FRAS1: variants seen among roughly 807,000 people sequenced by gnomAD.
FRAS1 encodes Fraser extracellular matrix complex subunit 1.
FRAS1 carries 290 observed loss-of-function variants against 435.2 expected under a neutral mutation model. That is an observed-to-expected ratio of 0.67 (90% CI 0.61 to 0.73). FRAS1 has a LOEUF of 0.73. FRAS1 is among the 30% of genes least tolerant of loss of function. The probability of loss-of-function intolerance (pLI) is 0.00; values close to 1 mark genes in which losing one functional copy is unlikely to be tolerated. For missense variants in FRAS1, 4,860 were observed against 5,001.5 expected, an observed-to-expected ratio of 0.97 and a Z score of 0.85; for synonymous variants, 1,800 against 1,851.0, an observed-to-expected ratio of 0.97 and a Z score of 0.71.
intron 59 of FRAS1, among the ~76,000 whole-genome samples, chr4:78,491,262 A>C (rs969925246): frequency 2.6e-5 from 4 of 152,204 alleles, no homozygotes; most frequent in Non-Finnish European, 5.9e-5. Context: ...TTCTGAAACT[A>C]TTCCAAACAA....
chr4:78,067,549 C>T (rs1740098244), intron 2 of FRAS1, among the ~76,000 whole-genome samples: 1 of 152,038 alleles, frequency 6.6e-6, no homozygotes, highest in Admixed American at 6.6e-5. Context: ...TCCCAGGGCT[C>T]ATGGCTGCTC....
intron 2 of FRAS1, among the ~76,000 whole-genome samples, chr4:78,081,183 T>C (rs1464136449): frequency 1.3e-5 from 2 of 152,220 alleles, no homozygotes; most frequent in East Asian, 3.9e-4. Flanking sequence ...ACAGGTTCCC[T>C]GAGAGAAAAG....
At chr4:78,276,787 G>T (rs750875457) in intron 9 of FRAS1, among the ~76,000 whole-genome samples, 5 of 152,236 alleles carry the variant, frequency 3.3e-5, no homozygotes, top group Non-Finnish European at 7.3e-5. Context: ...GAGGCAGTCT[G>T]TCCATTCTCA....
intron 6 of FRAS1, among the ~76,000 whole-genome samples, chr4:78,260,023 T>C (rs568778197): frequency 8.2e-4 from 125 of 152,274 alleles, no homozygotes; most frequent in African/African-American, 2.8e-3. Context: ...GTTGTAGATA[T>C]GCGGAGTTAT....
chr4:78,466,522 T>G, intron 50 of FRAS1, 87 bp downstream of exon 50: 1 of 981,808 alleles, frequency 1.0e-6, no homozygotes, highest in East Asian at 2.6e-5. Context: ...TACCATTGTT[T>G]GAGTTCTCGT....
At chr4:78,437,485 T>C (rs983275657) in intron 38 of FRAS1, among the ~76,000 whole-genome samples, 2 of 152,244 alleles carry the variant, frequency 1.3e-5, no homozygotes, top group Non-Finnish European at 2.9e-5. Flanking sequence ...GATTCCTTTC[T>C]TGCTAGTGTC....
chr4:78,483,799 A>ATATATATATATAAATAT (rs1560753038), intron 58 of FRAS1, among the ~76,000 whole-genome samples: 1 of 67,464 alleles, frequency 1.5e-5, no homozygotes, highest in African/African-American at 4.1e-5. Flanking sequence ...TATATATATA[A>ATATATATATATAAATAT]AATTATGTAT....
chr4:78,305,850 T>G (rs1728683752), intron 14 of FRAS1, among the ~76,000 whole-genome samples: 1 of 151,772 alleles, frequency 6.6e-6, no homozygotes, highest in South Asian at 2.1e-4. Context: ...TTGGAGCATT[T>G]AGTCCATTTA....
rs546727385 is a variant in FRAS1 at position 78,366,296 on chromosome 4, A to G, written c.2722+2242A>G. ...TGCTTTGGTATTGGAGGAGAATTCC[A>G]GAGTTACTCAAGCCAATCTTGCACC... On this transcript the variant is annotated intron_variant, in intron 22 of 73. Transcript: ENST00000512123. Among the ~76,000 whole-genome samples the G allele has an allele frequency of 1.1e-3, 164 of 152,376 alleles. 1 individual carries two copies. The highest frequency in any genetic ancestry group is 3.7e-3 in the African/African-American group (152 of 41,594).
At chr4:78,133,493 T>C (rs1252753897) in intron 2 of FRAS1, among the ~76,000 whole-genome samples, 3 of 152,080 alleles carry the variant, frequency 2.0e-5, no homozygotes, top group Admixed American at 2.0e-4. Flanking sequence ...AATAATTTAA[T>C]TGTGCATCTT....
At chr4:78,116,104 G>A (rs989525974) in intron 2 of FRAS1, among the ~76,000 whole-genome samples, 3 of 152,140 alleles carry the variant, frequency 2.0e-5, no homozygotes, top group African/African-American at 7.2e-5. Flanking sequence ...AGTCATTCAG[G>A]AGCAGGTTAT....
At chr4:78,059,305 G>C (rs987898879) in intron 1 of FRAS1, among the ~76,000 whole-genome samples, 3 of 152,122 alleles carry the variant, frequency 2.0e-5, no homozygotes, top group Non-Finnish European at 4.4e-5. Flanking sequence ...CTTCCCAAGA[G>C]AAAGGCCTTG....
intron 2 of FRAS1, among the ~76,000 whole-genome samples, chr4:78,139,484 G>A (rs192366204): frequency 1.2e-4 from 18 of 152,182 alleles, no homozygotes; most frequent in African/African-American, 3.9e-4. Context: ...ACATTGATTC[G>A]TTTTCATCTT....
Position 78,432,485 on chromosome 4 carries a change from A to G in FRAS1, c.5098A>G (p.Arg1700Gly). The G allele has an allele frequency of 6.2e-7, 1 of 1,613,338 alleles. No homozygotes were observed. The highest frequency in any genetic ancestry group is 8.5e-7 in the Non-Finnish European group (1 of 1,179,624). The change falls in exon 38 of 74, where the codon AGA becomes GGA. Residue 1700 changes from arginine (R) to glycine (G), a missense_variant. Physicochemically the swap from Arg to Gly is moderately radical, Grantham distance 125 (BLOSUM62 -2). Transcript: ENST00000512123. ...CCTCACAGTGACAATGCTGGAGGTG[A>G]GAGTAGAGGTGTCCCTGTCAGAAGA... is the stretch of plus-strand genomic sequence containing the variant. ...DGLTVTMLEV[R>G]VEVSLSEDRG...
In FRAS1 at chr4:78,507,483, T is replaced by C. The variant is rs1720879416; in HGVS notation, c.9379T>C (p.Ser3127Pro). The change falls in exon 62 of 74, where the codon TCT becomes CCT. Residue 3127 changes from serine (S) to proline (P), a missense_variant. By Grantham distance (74) the Ser-to-Pro change is moderately conservative (BLOSUM62 -1). Coordinates refer to ENST00000512123, the MANE Select transcript of FRAS1 (RefSeq NM_025074.7). The stretch of plus-strand genomic sequence containing the variant: ...CAATGAAGACCGGGAATGGCATGAA[T>C]CTTTCTCACTAGTCCTTGGCCCAGA... The part of the protein sequence containing the change: ...LSNEDREWHE[S>P]FSLVLGPDDP... 6.2e-7 allele frequency: 1 copy of C among 1,612,834 alleles called. No individual in the cohort carries two copies. The highest frequency in any genetic ancestry group is 1.1e-5 in the South Asian group (1 of 90,738).
In FRAS1 at chr4:78,441,018, C is replaced by T. The variant is rs527263655; in HGVS notation, c.5530-144C>T. On this transcript the variant is annotated intron_variant, in intron 40 of 73. Transcript: ENST00000512123. ...TGGCTTCAGCAGCATACACATTCCTCATCTCGTCTGTAGATGGTCTGCCTC... is the reference window on the plus strand; with the variant it reads ...TGGCTTCAGCAGCATACACATTCCTTATCTCGTCTGTAGATGGTCTGCCTC... The T allele has an allele frequency of 1.2e-5, 8 of 688,562 alleles. No homozygotes were observed. The East Asian group carries it at 1.8e-4, about 16-fold the overall frequency. 42.7% of individuals were successfully genotyped at this position (688,562 alleles called of 1,614,324 possible).
At chr4:78,357,693 G>A (rs563369697) in intron 20 of FRAS1, among the ~76,000 whole-genome samples, 1 of 152,206 alleles carries the variant, frequency 6.6e-6, no homozygotes, top group South Asian at 2.1e-4. Flanking sequence ...CTTGAGGCCA[G>A]GAGTTTGACA....
chr4:78,193,142 T>C (rs1304894445), intron 2 of FRAS1, among the ~76,000 whole-genome samples: 5 of 152,218 alleles, frequency 3.3e-5, no homozygotes, highest in Non-Finnish European at 5.9e-5. Context: ...GAGAGACAGT[T>C]TGTTATCATT....
Position 78,478,021 on chromosome 4 carries a change from C to G in FRAS1, c.8058C>G (p.Asn2686Lys). 1 of 1,595,112 alleles carries G rather than the reference C, an allele frequency of 6.3e-7. No individual in the cohort carries two copies. Among genetic ancestry groups the G allele is most frequent in the Non-Finnish European group, 8.5e-7 (1 of 1,170,208 alleles). Residue 2686 changes from asparagine (N) to lysine (K), a missense_variant, in exon 55 of 74, where the codon AAC becomes AAG. By Grantham distance (94) the Asn-to-Lys change is moderately conservative. Transcript: ENST00000512123. ...LEFDKKIYWVNESAGFLFAPI... is the reference protein window; with the variant it reads ...LEFDKKIYWVKESAGFLFAPI... ...TTGACAAGAAGATCTACTGGGTTAA[C>G]GAGAGCGCTGGTTTTCTGTTTGCAC...
Sources: allele counts gnomAD v4.1 joint callset (sites outside exome capture counted in the v4.1 genomes callset), GRCh38; gene constraint gnomAD v4.1.1; transcripts MANE v1.5; gene names NCBI Gene and HGNC (gene_info 2026-07-23, HGNC 2026-07-21).